NBEAL1: variants seen among roughly 807,000 people sequenced by gnomAD.
The protein encoded by NBEAL1 is neurobeachin-like protein 1.
In NBEAL1, 273 loss-of-function variants were observed where a neutral mutation model predicts 351.3. The observed-to-expected ratio is 0.78, with a 90% CI of 0.70 to 0.86. NBEAL1 has a LOEUF of 0.86. Ranked by LOEUF, NBEAL1 falls within the 40% of genes least tolerant of loss-of-function variation. The pLI, the probability that NBEAL1 is intolerant of heterozygous loss-of-function variation, is 0.00. For synonymous variants in NBEAL1, 1,050 were observed against 1,086.4 expected (o/e 0.97, Z 0.66); for missense variants, 2,961 against 3,201.3 (o/e 0.92, Z 1.81).
chr2:203,202,043 C>T (rs1389390394), intron 50 of NBEAL1, among the ~76,000 whole-genome samples: 2 of 151,888 alleles, frequency 1.3e-5, no homozygotes, highest in Non-Finnish European at 2.9e-5. Context: ...ATCAACTGCT[C>T]TATTACTTTG....
chr2:203,167,113 C>A, intron 37 of NBEAL1, 114 bp from the exon 38 acceptor site: 1 of 959,324 alleles, frequency 1.0e-6, no homozygotes, highest in Non-Finnish European at 1.5e-6. Context: ...TTATATAGTA[C>A]AGAAATTGAA....
At chr2:203,104,031 C>T (rs992411969) in intron 12 of NBEAL1, among the ~76,000 whole-genome samples, 12 of 152,046 alleles carry the variant, frequency 7.9e-5, no homozygotes, top group South Asian at 4.1e-4. Flanking sequence ...ATTGTGTTGT[C>T]GATTTTAGAA....
chr2:203,208,477 A>C (rs550973423), intron 51 of NBEAL1, among the ~76,000 whole-genome samples, 160 bp from the exon 52 acceptor site: 4 of 152,322 alleles, frequency 2.6e-5, no homozygotes, highest in Non-Finnish European at 5.9e-5. Context: ...TCAGAAATCC[A>C]AGTAGAAATG....
rs1372852466 is a variant in NBEAL1, at chr2:203,221,772, T to C, written c.*4418T>C. ...TGACTCCATCCAGAGCATTGTTCTATAGAGTTTTCCTGTATTTATCAGAGT... is the reference window on the plus strand; with the variant it reads ...TGACTCCATCCAGAGCATTGTTCTACAGAGTTTTCCTGTATTTATCAGAGT... On this transcript the variant is annotated 3_prime_UTR_variant, in exon 56 of 56. Coordinates refer to ENST00000683969, the MANE Select transcript of NBEAL1 (RefSeq NM_001378026.1). Among the ~76,000 whole-genome samples, 1 of 152,258 alleles carries C rather than the reference T, an allele frequency of 6.6e-6. No homozygotes were observed. The highest frequency in any genetic ancestry group is 1.5e-5 in the Non-Finnish European group (1 of 68,044).
Position 203,062,005 on chromosome 2 carries a change from T to C in NBEAL1, c.515+4552T>C, listed in dbSNP as rs952938304. On this transcript the variant is annotated intron_variant, in intron 6 of 55. Transcript: ENST00000683969. The surrounding 1 kb of genome is among the most constrained non-coding windows in gnomAD (Gnocchi z 4.2). ...TTTATATGGCTTCATTTCACAGTCC[T>C]CACACTCAAATAGTTTGTGTCCAGA... 3 of 324,712 alleles carry C rather than the reference T, an allele frequency of 9.2e-6. No individual in the cohort carries two copies. Among genetic ancestry groups the C allele is most frequent in the Non-Finnish European group, 1.8e-5 (3 of 168,744 alleles). The allele number at this position is 324,712 out of a possible 1,614,324, so 20.1% of individuals were successfully genotyped here. A position where few individuals can be genotyped will look rare whatever the true frequency, so the allele number is the denominator to read the frequency against.
intron 12 of NBEAL1, among the ~76,000 whole-genome samples, chr2:203,105,820 T>A (rs1036117318): frequency 3.9e-5 from 6 of 152,222 alleles, no homozygotes; most frequent in Non-Finnish European, 8.8e-5. Context: ...TGGCAAAGAA[T>A]GGGACATGAG....
intron 10 of NBEAL1, among the ~76,000 whole-genome samples, chr2:203,088,256 A>G (rs1235573983): frequency 6.6e-6 from 1 of 152,190 alleles, no homozygotes; most frequent in Non-Finnish European, 1.5e-5. Context: ...ATTAGGATTC[A>G]TTACAATTTT....
intron 36 of NBEAL1, among the ~76,000 whole-genome samples, chr2:203,164,409 G>A (rs1370905812): frequency 6.6e-6 from 1 of 151,888 alleles, no homozygotes; most frequent in East Asian, 1.9e-4. Flanking sequence ...TATCTTGGTA[G>A]ATACTCAGTT....
At chr2:203,137,949 A>C (rs1306936608) in intron 29 of NBEAL1, among the ~76,000 whole-genome samples, 4 of 151,094 alleles carry the variant, frequency 2.6e-5, no homozygotes, top group Admixed American at 2.0e-4. Context: ...ACACCATTGC[A>C]CTCCGGCCTG....
chr2:203,144,608 A>C lies in NBEAL1; in HGVS notation c.4857A>C (p.Ala1619=). 6.2e-7 allele frequency: 1 copy of C among 1,610,140 alleles called. No homozygotes were observed. Among genetic ancestry groups the C allele is most frequent in the Non-Finnish European group, 8.5e-7 (1 of 1,177,630 alleles). The change falls in exon 32 of 56, where the codon GCA becomes GCC. Residue 1619 remains alanine (A), a synonymous_variant. Transcript: ENST00000683969. ...FIGRGNLQVC[A]MASAKLNTLL... is the part of the protein sequence containing the mutation. ...AAACTGTTTTCCTCCAGGTTTGTGC[A>C]ATGGCATCAGCTAAGCTAAATACCC...
chr2:203,223,332 A>T lies in NBEAL1; in HGVS notation c.*5978A>T, dbSNP rs1009590111. Among the ~76,000 whole-genome samples, 8 of 152,152 alleles carry T rather than the reference A, an allele frequency of 5.3e-5. No homozygotes were observed. On this transcript the variant is annotated 3_prime_UTR_variant, in exon 56 of 56. Transcript: ENST00000683969. ...ACGGTTTTCATGTTTCCTTGGAAAC[A>T]TATTTTGCAAATATAACAATAATAG...
intron 2 of NBEAL1, among the ~76,000 whole-genome samples, chr2:203,024,775 T>C (rs1308629478): frequency 2.0e-5 from 3 of 151,794 alleles, no homozygotes; most frequent in Non-Finnish European, 4.4e-5. Context: ...GGCAGGAGAA[T>C]CGCTTGAACC....
intron 31 of NBEAL1, among the ~76,000 whole-genome samples, chr2:203,140,364 G>T (rs750743029): frequency 6.6e-6 from 1 of 151,170 alleles, no homozygotes; most frequent in Non-Finnish European, 1.5e-5. Context: ...TCAGCATAAC[G>T]TAAGAGAAAA....
In NBEAL1 at chr2:203,197,338, A is replaced by G. The variant is rs4675323; in HGVS notation, c.7075A>G (p.Ile2359Val). 1,516,012 of 1,602,618 alleles carry G rather than the reference A, an allele frequency of 0.95. 719,718 individuals are homozygous for G. The highest frequency in any genetic ancestry group is 0.96 in the Non-Finnish European group (1,123,177 of 1,170,012). Reference sequence around the variant, plus strand: ...TGGTATTCCACTATTAAAGGCCACCATCCCCAAAAATCAGTATCGTTCTTT... The same window carrying G: ...TGGTATTCCACTATTAAAGGCCACCGTCCCCAAAAATCAGTATCGTTCTTT... ...SDGIPLLKAT[I>V]PKNQYRSFMS... The change falls in exon 48 of 56, where the codon ATC becomes GTC. Residue 2359 changes from isoleucine to valine, a missense_variant. Ile to Val is a conservative substitution (Grantham distance 29). Transcript: ENST00000683969.
Position 203,125,516 on chromosome 2 carries a change from C to T in NBEAL1, c.2847C>T (p.Ala949=). 1 of 1,454,638 alleles carries T rather than the reference C, an allele frequency of 6.9e-7. No individual in the cohort carries two copies. The highest frequency in any genetic ancestry group is 1.5e-5 in the African/African-American group (1 of 68,590). 90.1% of individuals were successfully genotyped at this position (1,454,638 alleles called of 1,614,324 possible). A position where few individuals can be genotyped will look rare whatever the true frequency, so the allele number is the denominator to read the frequency against. The part of the protein sequence containing the change: ...GDWLVWTSTK[A]SESRLERNLV... ...GGCTCGTATGGACTTCCACAAAGGC[C>T]TCAGGTATTAAGATGAAATTAACAC... Residue 949 remains alanine (A), a synonymous_variant, in exon 20 of 56, where the codon GCC becomes GCT. Coordinates refer to ENST00000683969, the MANE Select transcript of NBEAL1 (RefSeq NM_001378026.1).
chr2:203,196,392 A>T (rs2065241882), intron 47 of NBEAL1, among the ~76,000 whole-genome samples: 1 of 152,190 alleles, frequency 6.6e-6, no homozygotes, highest in South Asian at 2.1e-4. Context: ...GTATTTCCCC[A>T]TGTATTAATA....
chr2:203,085,938 TA>T (rs551268340), intron 10 of NBEAL1: 1 of 152,218 alleles, frequency 6.6e-6, no homozygotes, highest in Non-Finnish European at 1.5e-5. Context: ...CTTTTGTAAA[TA>T]TATTTTTGAT....
rs548537544 is a variant in NBEAL1, at chr2:203,159,509, C to T, written c.5714+1684C>T. ...TGGAATAATGTTTTCAAGATTCATT[C>T]GTGTCATAGCATATGAGAGTACTTT... On this transcript the variant is annotated intron_variant, in intron 36 of 55. Transcript: ENST00000683969. Among the ~76,000 whole-genome samples the T allele has an allele frequency of 9.2e-5, 14 of 152,144 alleles. No homozygotes were observed. In the East Asian group the frequency reaches 2.3e-3, roughly 25 times the overall value.
chr2:203,153,869 C>T (rs943628778), intron 35 of NBEAL1, among the ~76,000 whole-genome samples: 3 of 152,142 alleles, frequency 2.0e-5, no homozygotes, highest in Non-Finnish European at 4.4e-5. Context: ...CTTCTCACCC[C>T]TCGACACATG....
Sources: allele counts gnomAD v4.1 joint callset (sites outside exome capture counted in the v4.1 genomes callset), GRCh38; gene constraint gnomAD v4.1.1; non-coding constraint Gnocchi (gnomAD v3.1); transcripts MANE v1.5; gene names NCBI Gene and HGNC (gene_info 2026-07-23, HGNC 2026-07-21).